Variants in ERBIN observed in about 807,000 individuals in gnomAD.
The protein encoded by ERBIN is densin-180-like protein.
ERBIN carries 60 observed loss-of-function variants against 158.4 expected under a neutral mutation model. The observed-to-expected ratio is 0.38, with a 90% CI of 0.31 to 0.47. ERBIN has a LOEUF of 0.47. ERBIN is among the 20% of genes least tolerant of loss of function. ERBIN has a pLI of 0.99. For missense variants in ERBIN, 1,610 were observed against 1,648.0 expected, an observed-to-expected ratio of 0.98 and a Z score of 0.40; for synonymous variants, 594 against 557.2, an observed-to-expected ratio of 1.07 and a Z score of -0.93.
At chr5:66,026,180 CTA>C (rs1167651634) in intron 12 of ERBIN, 120 bp from the exon 13 acceptor site, 5 of 705,170 alleles carry the variant, frequency 7.1e-6, no homozygotes, top group African/African-American at 3.8e-5. Context: ...AAAAGAAAGT[CTA>C]GTCATTATTT....
rs1433418356 is a variant in ERBIN, at chr5:66,081,292, A to T, written c.*2762A>T. ...CTTCATCTGAATCAATGAAATTCTA[A>T]AATTCCCTACATATTTATTTTGTAA... On this transcript the variant is annotated 3_prime_UTR_variant, in exon 26 of 26. Transcript: ENST00000284037. The T allele has an allele frequency of 1.3e-5, 2 of 152,050 alleles. No individual in the cohort carries two copies. The highest frequency in any genetic ancestry group is 4.8e-5 in the African/African-American group (2 of 41,470). The allele number at this position is 152,050 out of a possible 1,614,324, so 9.4% of individuals were successfully genotyped here. A position where few individuals can be genotyped will look rare whatever the true frequency, so the allele number is the denominator to read the frequency against.
intron 1 of ERBIN, among the ~76,000 whole-genome samples, chr5:65,987,184 C>T (rs899590181): frequency 6.6e-6 from 1 of 152,102 alleles, no homozygotes; most frequent in African/African-American, 2.4e-5. Context: ...TTTACCCCTC[C>T]AGGCATGGAA....
intron 1 of ERBIN, among the ~76,000 whole-genome samples, chr5:65,960,163 A>G (rs769610919): frequency 6.6e-6 from 1 of 152,256 alleles, no homozygotes; most frequent in African/African-American, 2.4e-5. Context: ...GTCAAAAAGA[A>G]TGAACTACTT....
At chr5:65,990,040 C>T (rs1316553928) in intron 2 of ERBIN, among the ~76,000 whole-genome samples, 2 of 152,150 alleles carry the variant, frequency 1.3e-5, no homozygotes, top group African/African-American at 4.8e-5. Flanking sequence ...TTAATATAAA[C>T]AAAGATTGTT....
intron 1 of ERBIN, among the ~76,000 whole-genome samples, chr5:65,951,069 G>T (rs1746449411): frequency 6.6e-6 from 1 of 152,168 alleles, no homozygotes; most frequent in African/African-American, 2.4e-5. Flanking sequence ...CTGGACTGTA[G>T]CTGGATTCTA....
In ERBIN at chr5:66,075,199, C is replaced by T. The variant is rs374414625; in HGVS notation, c.3932C>T (p.Pro1311Leu). The T allele has an allele frequency of 2.2e-5, 36 of 1,613,978 alleles. No individual in the cohort carries two copies. The highest frequency in any genetic ancestry group is 6.7e-5 in the African/African-American group (5 of 74,906). The change falls in exon 23 of 26, where the codon CCT (proline) becomes CTT (leucine). Residue 1311 changes from proline (P) to leucine (L), a missense_variant. Physicochemically the swap from Pro to Leu is moderately conservative, Grantham distance 98 (BLOSUM62 -3). This residue lies in a region of ERBIN where 1,014 missense variants were observed against 936.1 expected (regional missense o/e 1.08). Coordinates refer to ENST00000284037, the MANE Select transcript of ERBIN (RefSeq NM_001253697.2). Reference protein sequence around the residue: ...QPPYTQPHCSPRQGHELAKQE... With the variant: ...QPPYTQPHCSLRQGHELAKQE... ...CCATATACACAGCCCCATTGTTCTC[C>T]TAGACAAGGCCATGAACTGGCAAAA...
At chr5:66,064,075 T>C (rs1760745555) in intron 21 of ERBIN, among the ~76,000 whole-genome samples, 2 of 152,234 alleles carry the variant, frequency 1.3e-5, no homozygotes, top group African/African-American at 4.8e-5. Flanking sequence ...TGGGGACTTT[T>C]TGATACATTT....
At chr5:65,949,312 T>A (rs1201126549) in intron 1 of ERBIN, among the ~76,000 whole-genome samples, 1 of 152,182 alleles carries the variant, frequency 6.6e-6, no homozygotes, top group African/African-American at 2.4e-5. Context: ...TTTCTAATAG[T>A]TACCAGTCAC....
intron 4 of ERBIN, among the ~76,000 whole-genome samples, chr5:65,998,251 T>G (rs895309979): frequency 4.7e-5 from 7 of 148,936 alleles, no homozygotes; most frequent in African/African-American, 1.5e-4. Flanking sequence ...TATAGATATA[T>G]ATATATATTT....
intron 4 of ERBIN, among the ~76,000 whole-genome samples, chr5:66,005,629 T>C (rs1330336843): frequency 1.3e-5 from 2 of 152,204 alleles, no homozygotes; most frequent in Non-Finnish European, 2.9e-5. Flanking sequence ...GCAGATGACA[T>C]GATTGTATAT....
chr5:66,046,959 A>G lies in ERBIN; in HGVS notation c.1788+421A>G, dbSNP rs537405071. On this transcript the variant is annotated intron_variant, in intron 18 of 25. Transcript: ENST00000284037. ...TAAAAGCTGGAACTTTTTTTAAAAA[A>G]CAGCTTTATTGAGATATAACTCACA... Among the ~76,000 whole-genome samples the G allele has an allele frequency of 2.2e-4, 34 of 152,256 alleles. No homozygotes were observed. In the South Asian group the frequency reaches 7.0e-3, roughly 32 times the overall value.
rs1335694691 is a variant in ERBIN, at chr5:65,992,698, C to T, written c.-9-12C>T. ...TGTATGTTTTAAATTTCTTTTTATT[C>T]GAATATTGCAGTGTCTAAAAATGAC... On this transcript the variant is annotated splice_polypyrimidine_tract_variant and intron_variant, in intron 2 of 25. Transcript: ENST00000284037. 5 of 1,543,790 alleles carry T rather than the reference C, an allele frequency of 3.2e-6. No individual in the cohort carries two copies. The Admixed American group carries it at 6.5e-5, about 20-fold the overall frequency.
At chr5:65,930,689 G>A (rs560229698) in intron 1 of ERBIN, among the ~76,000 whole-genome samples, 5 of 152,194 alleles carry the variant, frequency 3.3e-5, no homozygotes, top group African/African-American at 1.2e-4. Context: ...ATAATACCAG[G>A]TTGTTATTTA....
chr5:65,974,261 G>A (rs775215460), intron 1 of ERBIN, among the ~76,000 whole-genome samples: 2 of 152,198 alleles, frequency 1.3e-5, no homozygotes, highest in Non-Finnish European at 2.9e-5. Context: ...TTGTGGACCT[G>A]CTGCGGTGTC....
intron 22 of ERBIN, among the ~76,000 whole-genome samples, chr5:66,073,035 T>G (rs886177189): frequency 3.9e-5 from 6 of 152,182 alleles, no homozygotes; most frequent in African/African-American, 1.4e-4. Flanking sequence ...TTAATTGAGC[T>G]TTGTCATCCA....
chr5:66,025,644 A>C (rs1041196486), intron 11 of ERBIN, 92 bp downstream of exon 11: 1 of 1,065,574 alleles, frequency 9.4e-7, no homozygotes, highest in Non-Finnish European at 1.4e-6. Flanking sequence ...AAATGACCTA[A>C]AGATTTTGTA....
intron 1 of ERBIN, among the ~76,000 whole-genome samples, chr5:65,964,292 A>T (rs548864080): frequency 8.5e-5 from 13 of 152,298 alleles, no homozygotes; most frequent in African/African-American, 3.1e-4. Flanking sequence ...AATTCTAGAA[A>T]TCTGTTACAC....
chr5:66,072,761 T>A (rs374148637), intron 22 of ERBIN, among the ~76,000 whole-genome samples: 13 of 152,344 alleles, frequency 8.5e-5, no homozygotes, highest in African/African-American at 3.1e-4. Flanking sequence ...TTAGTACTTT[T>A]GTTGCAATTA....
chr5:66,072,039 G>A, intron 21 of ERBIN, 130 bp from the exon 22 acceptor site: 1 of 790,154 alleles, frequency 1.3e-6, no homozygotes, highest in Non-Finnish European at 2.0e-6. Flanking sequence ...AATGATGGCA[G>A]TGTTTGATTT....
Sources: gnomAD v4.1 joint callset for allele counts (sites outside exome capture counted in the v4.1 genomes callset) on GRCh38, gnomAD v4.1.1 for gene constraint, gnomAD v4.1.1 regional missense constraint, MANE v1.5 for transcripts, NCBI Gene and HGNC (gene_info 2026-07-23, HGNC 2026-07-21) for gene names.